PABPC4L: variants seen among roughly 807,000 people sequenced by gnomAD.
PABPC4L encodes poly(A) binding protein cytoplasmic 4 like.
For missense variants in PABPC4L, 452 were observed against 451.4 expected (o/e 1.00, Z -0.01); for synonymous variants, 169 against 164.1 (o/e 1.03, Z -0.23).
chr4:134,198,928 A>G lies in PABPC4L; in HGVS notation c.*979T>C, dbSNP rs1729753011. ...AGCTGCCACATTCTAATAAAAGGAG[A>G]TGTGAGTACATAAAAATAGAGGAAC... On this transcript the variant is annotated 3_prime_UTR_variant, in exon 2 of 2. Coordinates refer to ENST00000421491, the MANE Select transcript of PABPC4L (RefSeq NM_001114734.2). The G allele has an allele frequency of 6.6e-6, 1 of 151,986 alleles. No individual in the cohort carries two copies. The highest frequency in any genetic ancestry group is 1.5e-5 in the Non-Finnish European group (1 of 67,900). The allele number at this position is 151,986 out of a possible 1,614,324, so 9.4% of individuals were successfully genotyped here. A position where few individuals can be genotyped will look rare whatever the true frequency, so the allele number is the denominator to read the frequency against.
the PABPC4L span, among the ~76,000 whole-genome samples, chr4:133,976,289 T>C: frequency 6.6e-6 from 1 of 152,204 alleles, no homozygotes; most frequent in East Asian, 1.9e-4. Flanking sequence ...AATGTTCTCA[T>C]TCTTTTTATG....
chr4:134,093,379 T>G, the PABPC4L span, among the ~76,000 whole-genome samples: 2 of 151,876 alleles, frequency 1.3e-5, no homozygotes, highest in Admixed American at 1.3e-4. Flanking sequence ...AAATTGTATT[T>G]TTTTTATTCT....
the PABPC4L span, among the ~76,000 whole-genome samples, chr4:134,122,717 G>T: frequency 1.3e-5 from 2 of 151,584 alleles, no homozygotes; most frequent in African/African-American, 4.8e-5. Context: ...TCTCTAATTT[G>T]CTTCTCTTTG....
chr4:134,180,860 A>G, the PABPC4L span, among the ~76,000 whole-genome samples: 2 of 151,988 alleles, frequency 1.3e-5, no homozygotes, highest in Admixed American at 6.6e-5. Context: ...CAGATCAATA[A>G]TAAGTTCCAG....
chr4:134,181,788 A>G, the PABPC4L span, among the ~76,000 whole-genome samples: 167 of 152,120 alleles, frequency 1.1e-3, no homozygotes, highest in Middle Eastern at 3.4e-3. Context: ...CAAAAAGAAT[A>G]AAATACCTAG....
the PABPC4L span, among the ~76,000 whole-genome samples, chr4:134,184,966 T>C: frequency 3.3e-5 from 5 of 152,096 alleles, no homozygotes; most frequent in Admixed American, 2.6e-4. Context: ...ATTCACCATC[T>C]GTATATCTCC....
At chr4:134,060,884 T>C in the PABPC4L span, among the ~76,000 whole-genome samples, 1 of 151,946 alleles carries the variant, frequency 6.6e-6, no homozygotes, top group South Asian at 2.1e-4. Context: ...ATTGAACTCA[T>C]GAAGATAGAG....
At chr4:134,149,069 T>C in the PABPC4L span, among the ~76,000 whole-genome samples, 1 of 152,152 alleles carries the variant, frequency 6.6e-6, no homozygotes, top group Non-Finnish European at 1.5e-5. Flanking sequence ...TCTAGGGACA[T>C]TTTATTCATT....
chr4:134,047,710 C>T, the PABPC4L span, among the ~76,000 whole-genome samples: 1 of 151,948 alleles, frequency 6.6e-6, no homozygotes, highest in African/African-American at 2.4e-5. Flanking sequence ...GGAGTCTGCC[C>T]TCCCGAGGGT....
rs912121281 is a variant in PABPC4L at position 134,197,827 on chromosome 4, A to G, written c.*2080T>C. 1 of 151,814 alleles carries G rather than the reference A, an allele frequency of 6.6e-6. No individual in the cohort carries two copies. The highest frequency in any genetic ancestry group is 1.5e-5 in the Non-Finnish European group (1 of 67,710). The allele number at this position is 151,814 out of a possible 1,614,324, so 9.4% of individuals were successfully genotyped here. On this transcript the variant is annotated 3_prime_UTR_variant, in exon 2 of 2. Transcript: ENST00000421491. ...TTTCTTGGAGCATATGGAAATAGGC[A>G]TTCTCCTACAATGACAATGGAAATG... is the stretch of plus-strand genomic sequence containing the variant.
At chr4:134,165,253 G>A in the PABPC4L span, among the ~76,000 whole-genome samples, 1 of 151,980 alleles carries the variant, frequency 6.6e-6, no homozygotes, top group East Asian at 1.9e-4. Context: ...TATCCCAAAA[G>A]CAAATTCAAC....
chr4:134,008,634 T>C, the PABPC4L span, among the ~76,000 whole-genome samples: 1 of 151,950 alleles, frequency 6.6e-6, no homozygotes, highest in Admixed American at 6.6e-5. Context: ...CATACATAAA[T>C]ACGGAGATAT....
the PABPC4L span, among the ~76,000 whole-genome samples, chr4:134,045,748 T>A: frequency 2.0e-5 from 3 of 152,100 alleles, no homozygotes; most frequent in African/African-American, 7.2e-5. Flanking sequence ...ACCACTCCCT[T>A]CACCAATAAT....
At position 134,201,262 on chromosome 4, in the gene PABPC4L, A is replaced by T; in HGVS notation, c.-226-17T>A. 6.7e-7 allele frequency: 1 copy of T among 1,501,134 alleles called. No homozygotes were observed. The highest frequency in any genetic ancestry group is 8.9e-7 in the Non-Finnish European group (1 of 1,119,130). The allele number at this position is 1,501,134 out of a possible 1,614,324, so 93.0% of individuals were successfully genotyped here. On this transcript the variant is annotated splice_polypyrimidine_tract_variant and intron_variant, in intron 1 of 1. Coordinates refer to ENST00000421491, the MANE Select transcript of PABPC4L (RefSeq NM_001114734.2). ...GCAACAGAACTGTGAAATCGCAAAG[A>T]GAGATTATTAGGACAAGACGTTCCT...
At chr4:134,065,502 C>A in the PABPC4L span, among the ~76,000 whole-genome samples, 1 of 151,882 alleles carries the variant, frequency 6.6e-6, no homozygotes, top group East Asian at 1.9e-4. Context: ...TATCCAAAAT[C>A]AATAAGTAAA....
chr4:134,016,229 A>G, the PABPC4L span, among the ~76,000 whole-genome samples: 1 of 152,140 alleles, frequency 6.6e-6, no homozygotes. Context: ...AGCAAGCTGA[A>G]CTCATTGCCT....
At chr4:133,996,559 C>T in the PABPC4L span, among the ~76,000 whole-genome samples, 2 of 152,188 alleles carry the variant, frequency 1.3e-5, no homozygotes, top group Non-Finnish European at 2.9e-5. Context: ...CCTGCAGGCA[C>T]CAATGACTTA....
At chr4:134,007,630 G>A in the PABPC4L span, among the ~76,000 whole-genome samples, 1 of 151,512 alleles carries the variant, frequency 6.6e-6, no homozygotes, top group African/African-American at 2.4e-5. Flanking sequence ...TTCAACATAA[G>A]TAAAATAATC....
the PABPC4L span, among the ~76,000 whole-genome samples, chr4:133,962,366 C>A: frequency 6.6e-6 from 1 of 152,098 alleles, no homozygotes; most frequent in South Asian, 2.1e-4. Context: ...AAGCCCAATG[C>A]AAGCAAATCC....
Sources: allele counts gnomAD v4.1 joint callset (sites outside exome capture counted in the v4.1 genomes callset), GRCh38; gene constraint gnomAD v4.1.1; transcripts MANE v1.5; gene names NCBI Gene and HGNC (gene_info 2026-07-23, HGNC 2026-07-21).